The following PSMA1 variants were observed in gnomAD, a reference collection of about 807,000 sequenced individuals.
PSMA1 encodes proteasome 20S subunit alpha 1, also known as proteasome subunit alpha type-1.
Under a neutral mutation model 38.4 loss-of-function variants are expected in PSMA1, and 3 were observed. That is an observed-to-expected ratio of 0.08 (90% confidence interval 0.04 to 0.20). The LOEUF (loss-of-function observed/expected upper bound fraction) is 0.20. PSMA1 is among the 10% of genes least tolerant of loss of function. The pLI, the probability that PSMA1 is intolerant of heterozygous loss-of-function variation, is 1.00. For synonymous variants in PSMA1, 101 were observed against 107.1 expected (o/e 0.94, Z 0.35); for missense variants, 227 against 325.3 (o/e 0.70, Z 2.32).
intron 1 of PSMA1, among the ~76,000 whole-genome samples, chr11:14,633,975 C>T (rs1853075872): frequency 6.6e-6 from 1 of 152,214 alleles, no homozygotes; most frequent in Admixed American, 6.5e-5. Flanking sequence ...CCAAGTGAGG[C>T]AATGCCTCGC....
At chr11:14,594,230 AC>A (rs1852456817) in intron 2 of PSMA1, among the ~76,000 whole-genome samples, 1 of 152,220 alleles carries the variant, frequency 6.6e-6, no homozygotes, top group South Asian at 2.1e-4. Context: ...TTTTTCTGTT[AC>A]TGGTGACCAA....
chr11:14,630,795 T>C (rs1318564090), intron 1 of PSMA1, among the ~76,000 whole-genome samples: 4 of 152,178 alleles, frequency 2.6e-5, no homozygotes, highest in Non-Finnish European at 5.9e-5. Flanking sequence ...CATCTGGTCC[T>C]GGACTCTTTT....
chr11:14,509,117 C>T (rs1372260565), intron 8 of PSMA1, among the ~76,000 whole-genome samples: 2 of 152,180 alleles, frequency 1.3e-5, no homozygotes. Context: ...CTTATAACTG[C>T]TTACTCTGTA....
chr11:14,613,197 T>G (rs988987305), intron 1 of PSMA1, among the ~76,000 whole-genome samples: 4 of 151,330 alleles, frequency 2.6e-5, no homozygotes, highest in African/African-American at 7.3e-5. Context: ...ATATTGGTCA[T>G]GTATAAAGTT....
chr11:14,574,965 G>A (rs1407890641), intron 2 of PSMA1, among the ~76,000 whole-genome samples: 1 of 152,180 alleles, frequency 6.6e-6, no homozygotes, highest in Non-Finnish European at 1.5e-5. Flanking sequence ...ACAGTTTGGA[G>A]GGCTCAGAAG....
intron 1 of PSMA1, among the ~76,000 whole-genome samples, chr11:14,623,054 T>C (rs1852868446): frequency 6.6e-6 from 1 of 152,214 alleles, no homozygotes; most frequent in South Asian, 2.1e-4. Context: ...TTCTGCTGGA[T>C]ATGTTAAATC....
chr11:14,590,138 A>G (rs866161105), intron 2 of PSMA1, among the ~76,000 whole-genome samples: 32 of 152,336 alleles, frequency 2.1e-4, no homozygotes, highest in African/African-American at 7.5e-4. Flanking sequence ...AGGTACCTAG[A>G]GTAGTCAAAC....
chr11:14,607,770 A>C (rs2134196911), intron 2 of PSMA1, among the ~76,000 whole-genome samples: 2 of 152,320 alleles, frequency 1.3e-5, no homozygotes, highest in Middle Eastern at 6.8e-3. Context: ...AGAAAGGTTA[A>C]ACCTGGCTGA....
In PSMA1 at chr11:14,541,985, G is replaced by A. The variant is rs997432546; in HGVS notation, c.22-22944C>T. 4.6e-5 allele frequency among the ~76,000 whole-genome samples: 7 copies of A among 152,156 alleles called. 1 individual carries two copies. The Middle Eastern group carries it at 0.01, about 225-fold the overall frequency. On this transcript the variant is annotated intron_variant, in intron 2 of 10. Transcript: ENST00000418988. ...ATTAGATTCCAGGCAAAATTATAAC[G>A]CATACAATGATCAAATAGTTTATAG...
intron 2 of PSMA1, among the ~76,000 whole-genome samples, chr11:14,578,685 A>C (rs974172700): frequency 9.9e-5 from 15 of 152,230 alleles, no homozygotes; most frequent in African/African-American, 3.4e-4. Flanking sequence ...GCAGCTATCT[A>C]CGTAAACAGG....
At chr11:14,612,748 C>A (rs1409760987) in intron 1 of PSMA1, among the ~76,000 whole-genome samples, 1 of 152,058 alleles carries the variant, frequency 6.6e-6, no homozygotes, top group Non-Finnish European at 1.5e-5. Flanking sequence ...TTAACTTAGT[C>A]ATTTAGAGTA....
chr11:14,596,063 G>A (rs974829106), intron 2 of PSMA1, among the ~76,000 whole-genome samples: 1 of 152,142 alleles, frequency 6.6e-6, no homozygotes, highest in Non-Finnish European at 1.5e-5. Context: ...TAGATGTGTG[G>A]TATTATTTCT....
At chr11:14,540,492 T>C (rs1851761952) in intron 2 of PSMA1, among the ~76,000 whole-genome samples, 1 of 152,216 alleles carries the variant, frequency 6.6e-6, no homozygotes, top group Non-Finnish European at 1.5e-5. Flanking sequence ...GCCCTTCATT[T>C]CTGGAGGTAA....
chr11:14,511,015 T>C, intron 7 of PSMA1, 64 bp from the exon 8 acceptor site: 2 of 1,177,996 alleles, frequency 1.7e-6, no homozygotes, highest in South Asian at 1.5e-5. Flanking sequence ...CTGTTATTTA[T>C]CAAATCTACA....
intron 1 of PSMA1, among the ~76,000 whole-genome samples, chr11:14,620,624 C>T (rs912204451): frequency 1.3e-5 from 2 of 152,188 alleles, no homozygotes; most frequent in Admixed American, 6.5e-5. Context: ...GGCAATAAAG[C>T]AGCAAAGCAA....
chr11:14,521,321 AGAATAAGAAT>A (rs1851525037), upstream of PSMA1, among the ~76,000 whole-genome samples: 4 of 86,210 alleles, frequency 4.6e-5, no homozygotes, highest in Admixed American at 3.7e-4. Flanking sequence ...AATAAGAATA[AGAATAAGAAT>A]AATAAAAAAA....
At chr11:14,555,868 A>G (rs1851936416) in intron 2 of PSMA1, among the ~76,000 whole-genome samples, 1 of 152,168 alleles carries the variant, frequency 6.6e-6, no homozygotes, top group Admixed American at 6.5e-5. Context: ...TTAGTTAATA[A>G]TTGTCTTTTT....
intron 2 of PSMA1, among the ~76,000 whole-genome samples, chr11:14,572,798 A>C (rs1852162494): frequency 6.6e-6 from 1 of 152,236 alleles, no homozygotes; most frequent in Non-Finnish European, 1.5e-5. Context: ...AGAGAGAAGA[A>C]TCAAACAGAC....
chr11:14,520,218 A>G, intron 1 of PSMA1, 79 bp downstream of exon 1: 1 of 1,601,434 alleles, frequency 6.2e-7, no homozygotes, highest in Non-Finnish European at 8.6e-7. Flanking sequence ...GACGCTAAGG[A>G]TGACAGGAGA....
Sources: gnomAD v4.1 joint callset for allele counts (sites outside exome capture counted in the v4.1 genomes callset) on GRCh38, gnomAD v4.1.1 for gene constraint, MANE v1.5 for transcripts, NCBI Gene and HGNC (gene_info 2026-07-23, HGNC 2026-07-21) for gene names.